The following HOATZ variants were observed in gnomAD, a reference collection of about 807,000 sequenced individuals.
HOATZ encodes cilia- and flagella-associated protein HOATZ.
In HOATZ, 26 loss-of-function variants were observed where a neutral mutation model predicts 24.9. The ratio of observed to expected loss-of-function variants is 1.04; its 90% CI spans 0.76 to 1.45. The LOEUF is 1.45. HOATZ is among the 40% of genes most tolerant of loss of function. The probability of loss-of-function intolerance (pLI) is 0.00; values close to 1 mark genes in which losing one functional copy is unlikely to be tolerated. For missense variants in HOATZ, 226 were observed against 201.5 expected (o/e 1.12, Z -0.74); for synonymous variants, 83 against 76.6 (o/e 1.08, Z -0.43).
intron 1 of HOATZ, 196 bp downstream of exon 1, chr11:111,515,206 A>C (rs1867170263): frequency 1.7e-6 from 1 of 603,178 alleles, no homozygotes; most frequent in Admixed American, 3.0e-5. Flanking sequence ...TATATGTTAC[A>C]TCTAAAAACA....
chr11:111,532,273 T>C (rs1323382793), intron 3 of HOATZ, among the ~76,000 whole-genome samples: 2 of 152,182 alleles, frequency 1.3e-5, no homozygotes, highest in Non-Finnish European at 2.9e-5. Context: ...TGTTACATCA[T>C]AGGCGCTTAT....
intron 3 of HOATZ, among the ~76,000 whole-genome samples, chr11:111,530,634 C>T (rs1867384218): frequency 6.6e-6 from 1 of 152,088 alleles, no homozygotes; most frequent in African/African-American, 2.4e-5. Context: ...TTCTGACCCC[C>T]TTGTATTAAC....
intron 3 of HOATZ, among the ~76,000 whole-genome samples, chr11:111,528,251 T>C (rs1867360282): frequency 6.6e-6 from 1 of 152,188 alleles, no homozygotes; most frequent in Non-Finnish European, 1.5e-5. Flanking sequence ...GAGGATTGCT[T>C]GAGCCCAGGG....
intron 3 of HOATZ, among the ~76,000 whole-genome samples, chr11:111,525,712 T>TAG: frequency 6.6e-6 from 1 of 152,326 alleles, no homozygotes; most frequent in South Asian, 2.1e-4. Context: ...GGAAGAATTG[T>TAG]GCAAGATTCA....
intron 3 of HOATZ, among the ~76,000 whole-genome samples, chr11:111,523,457 T>C (rs1158502565): frequency 1.3e-5 from 2 of 152,208 alleles, no homozygotes; most frequent in Non-Finnish European, 1.5e-5. Context: ...TGATGAAGCA[T>C]TATGACCAGC....
At chr11:111,522,058 T>C (rs1036347726) in intron 3 of HOATZ, among the ~76,000 whole-genome samples, 7 of 151,946 alleles carry the variant, frequency 4.6e-5, no homozygotes, top group African/African-American at 1.2e-4. Context: ...CAGAGTTCCA[T>C]AGGGACATTC....
chr11:111,524,955 C>T (rs1359267183), intron 3 of HOATZ: 12 of 427,630 alleles, frequency 2.8e-5, no homozygotes, highest in Non-Finnish European at 4.2e-5. Context: ...TCAACTTTCT[C>T]GGATTCAGGT....
chr11:111,534,503 A>G, intron 5 of HOATZ, 39 bp downstream of exon 5: 1 of 1,467,830 alleles, frequency 6.8e-7, no homozygotes, highest in Non-Finnish European at 9.5e-7. Flanking sequence ...CTCACCTTTC[A>G]ACTTACTGTG....
intron 1 of HOATZ, 84 bp downstream of exon 1, chr11:111,515,094 C>A: frequency 1.1e-6 from 1 of 897,578 alleles, no homozygotes; most frequent in Non-Finnish European, 1.8e-6. Flanking sequence ...CCAGGAGAAA[C>A]TGCAATGGTA....
At chr11:111,531,935 C>T (rs1391694159) in intron 3 of HOATZ, among the ~76,000 whole-genome samples, 1 of 152,160 alleles carries the variant, frequency 6.6e-6, no homozygotes, top group Non-Finnish European at 1.5e-5. Context: ...CTGAGAAGTA[C>T]TTAGCCACCC....
At chr11:111,515,178 C>T (rs981107794) in intron 1 of HOATZ, 168 bp downstream of exon 1, 1 of 613,952 alleles carries the variant, frequency 1.6e-6, no homozygotes, top group South Asian at 2.0e-5. Context: ...CCCTTCCACC[C>T]GAAAAGGATC....
intron 3 of HOATZ, among the ~76,000 whole-genome samples, chr11:111,516,750 A>G (rs1021476267): frequency 1.3e-5 from 2 of 152,180 alleles, no homozygotes; most frequent in South Asian, 4.1e-4. Flanking sequence ...AAAATCAAAT[A>G]GAATTAATTG....
chr11:111,521,723 A>C (rs1448330549), intron 3 of HOATZ, among the ~76,000 whole-genome samples: 1 of 152,268 alleles, frequency 6.6e-6, no homozygotes, highest in African/African-American at 2.4e-5. Flanking sequence ...TATAGTAACA[A>C]GCAAATATTT....
At chr11:111,515,687 C>T (rs769578297) in intron 2 of HOATZ, 135 bp downstream of exon 2, 102 of 732,486 alleles carry the variant, frequency 1.4e-4, no homozygotes, top group Non-Finnish European at 2.1e-4. Flanking sequence ...GCTCAGGGAC[C>T]ACCCTGTTTA....
intron 3 of HOATZ, among the ~76,000 whole-genome samples, chr11:111,532,131 T>C (rs935874153): frequency 2.6e-5 from 4 of 152,178 alleles, no homozygotes; most frequent in African/African-American, 9.7e-5. Context: ...TTAAGGGTCC[T>C]TGATCTTCAG....
At chr11:111,526,909 C>G (rs1032262442) in intron 3 of HOATZ, among the ~76,000 whole-genome samples, 2 of 152,170 alleles carry the variant, frequency 1.3e-5, no homozygotes, top group African/African-American at 4.8e-5. Flanking sequence ...ACTCAGTAGT[C>G]TTTGCTAAGG....
chr11:111,531,268 A>C lies in HOATZ; in HGVS notation c.340-2478A>C, dbSNP rs1387105659. Among the ~76,000 whole-genome samples, 3 of 150,590 alleles carry C rather than the reference A, an allele frequency of 2.0e-5. No individual in the cohort carries two copies. The East Asian group carries it at 5.9e-4, about 30-fold the overall frequency. On this transcript the variant is annotated intron_variant, in intron 3 of 5. Coordinates refer to ENST00000375618, the MANE Select transcript of HOATZ (RefSeq NM_001100388.2). The stretch of plus-strand genomic sequence containing the variant: ...TTAGGCCAATAACTGTGGATTACAC[A>C]GTACAATGATTGCATTCATACATCA...
chr11:111,524,440 G>A (rs1346409543), intron 3 of HOATZ, among the ~76,000 whole-genome samples: 2 of 152,216 alleles, frequency 1.3e-5, no homozygotes, highest in Admixed American at 1.3e-4. Flanking sequence ...GCATTGGAAT[G>A]TAGGGTCAGG....
intron 3 of HOATZ, among the ~76,000 whole-genome samples, chr11:111,521,648 T>C (rs1218802002): frequency 6.6e-6 from 1 of 152,246 alleles, no homozygotes; most frequent in Non-Finnish European, 1.5e-5. Flanking sequence ...TTTAAATTCT[T>C]GTTCTTCTCT....
Sources: allele counts gnomAD v4.1 joint callset (sites outside exome capture counted in the v4.1 genomes callset), GRCh38; gene constraint gnomAD v4.1.1; transcripts MANE v1.5; gene names NCBI Gene and HGNC (gene_info 2026-07-23, HGNC 2026-07-21).